The following PHF21A variants were observed in gnomAD, a reference collection of about 807,000 sequenced individuals.
PHF21A encodes the protein BHC80a.
In PHF21A, 11 loss-of-function variants were observed where a neutral mutation model predicts 82.5. That is an observed-to-expected ratio of 0.13 (90% CI 0.08 to 0.22). PHF21A has a LOEUF of 0.22. Ranked by LOEUF, PHF21A falls within the 10% of genes least tolerant of loss-of-function variation. The probability of loss-of-function intolerance (pLI) is 1.00; values close to 1 mark genes in which losing one functional copy is unlikely to be tolerated. For missense variants in PHF21A, 579 were observed against 837.8 expected, an observed-to-expected ratio of 0.69 and a Z score of 3.81; for synonymous variants, 297 against 302.8, an observed-to-expected ratio of 0.98 and a Z score of 0.20.
chr11:46,001,858 C>T (rs1488464375), intron 6 of PHF21A, among the ~76,000 whole-genome samples: 2 of 152,132 alleles, frequency 1.3e-5, no homozygotes, highest in Admixed American at 1.3e-4. Context: ...GTTTCTATGA[C>T]AACCCAGATG....
chr11:46,062,651 G>A (rs2096549361), intron 6 of PHF21A, among the ~76,000 whole-genome samples: 1 of 151,954 alleles, frequency 6.6e-6, no homozygotes, highest in Non-Finnish European at 1.5e-5. Flanking sequence ...AGTGATTCTT[G>A]GCTATGTTCA....
Position 46,087,693 on chromosome 11 carries a change from T to C in PHF21A, c.-84+2762A>G, listed in dbSNP as rs2096872746. Among the ~76,000 whole-genome samples the C allele has an allele frequency of 3.9e-5, 6 of 152,234 alleles. 1 individual carries two copies. The South Asian group carries it at 1.2e-3, about 31-fold the overall frequency. ...GAATCTTGTTTGTTTAATTTTATTT[T>C]TTCTTGTAGAGAAGGGGTCTCATAT... is the stretch of plus-strand genomic sequence containing the variant. On this transcript the variant is annotated intron_variant, in intron 3 of 18. Transcript: ENST00000676320.
Position 45,935,641 on chromosome 11 carries a change from T to A in PHF21A, c.1783A>T (p.Ile595Leu). 1 of 1,448,974 alleles carries A rather than the reference T, an allele frequency of 6.9e-7. No homozygotes were observed. The highest frequency in any genetic ancestry group is 9.7e-7 in the Non-Finnish European group (1 of 1,029,750). 89.8% of individuals were successfully genotyped at this position (1,448,974 alleles called of 1,614,324 possible). ...EQKVKQLSNS[I>L]SKCMEMKNTI... The stretch of plus-strand genomic sequence containing the variant: ...AAGGCATGAGGTTTACTTACACTTA[T>A]GGAATTGCTGAGCTGTTTCACCTTT... Residue 595 changes from isoleucine (I) to leucine (L), a missense_variant, in exon 18 of 19, where the codon ATA becomes TTA. Physicochemically the swap from Ile to Leu is conservative, Grantham distance 5. Around this residue, in one of 3 missense-constraint regions of PHF21A, gnomAD observed 157 missense variants for 149.4 expected, o/e 1.05. Transcript: ENST00000676320.
chr11:46,061,814 T>C (rs1178449282), intron 6 of PHF21A, among the ~76,000 whole-genome samples: 2 of 152,208 alleles, frequency 1.3e-5, no homozygotes, highest in South Asian at 2.1e-4. Context: ...TTCATCTTTA[T>C]TGGTTCACTT....
At chr11:45,976,097 C>A (rs7128184) in intron 7 of PHF21A, among the ~76,000 whole-genome samples, 1 of 151,896 alleles carries the variant, frequency 6.6e-6, no homozygotes, top group Admixed American at 6.6e-5. Flanking sequence ...TCCTCTCCAT[C>A]GTTTCGTGGA....
intron 6 of PHF21A, among the ~76,000 whole-genome samples, chr11:46,028,668 A>G (rs934938942): frequency 1.3e-5 from 2 of 150,262 alleles, no homozygotes; most frequent in Admixed American, 1.3e-4. Context: ...CCGCCTCCCA[A>G]GTTGAAGTGA....
chr11:45,971,890 C>CTTTCTTTTTTTTTGTTTTTTTTTTT lies in PHF21A; in HGVS notation c.361-524_361-523insAAAAAAAAAAACAAAAAAAAAGAAA, dbSNP rs57081937. 4.0e-5 allele frequency among the ~76,000 whole-genome samples: 2 copies of CTTTCTTTTTTTTTGTTTTTTTTTTT among 50,294 alleles called. 1 individual carries two copies. 33.0% of individuals were successfully genotyped at this position (50,294 alleles called of 152,430 possible). A position where few individuals can be genotyped will look rare whatever the true frequency, so the allele number is the denominator to read the frequency against. On this transcript the variant is annotated intron_variant, in intron 7 of 18. Coordinates refer to ENST00000676320, the MANE Select transcript of PHF21A (RefSeq NM_001352027.3). ...GTAAAAGGACAGTGTCTTTTTCTTT[C>CTTTCTTTTTTTTTGTTTTTTTTTTT]TTTTTTTTTTTTTTTATGGTGTCAC...
At chr11:46,070,421 C>T (rs1326613872) in intron 6 of PHF21A, among the ~76,000 whole-genome samples, 4 of 151,946 alleles carry the variant, frequency 2.6e-5, no homozygotes, top group Non-Finnish European at 5.9e-5. Context: ...GCCTCTGCCT[C>T]CAGGGTTCAA....
At chr11:46,000,920 C>CA (rs905417751) in intron 6 of PHF21A, among the ~76,000 whole-genome samples, 19 of 150,752 alleles carry the variant, frequency 1.3e-4, no homozygotes, top group African/African-American at 4.6e-4. Flanking sequence ...ACCTCCGTCT[C>CA]AAAAAAATAA....
intron 6 of PHF21A, among the ~76,000 whole-genome samples, chr11:46,047,959 T>C (rs1189897130): frequency 6.6e-6 from 1 of 152,222 alleles, no homozygotes; most frequent in African/African-American, 2.4e-5. Context: ...CCAAATGAAA[T>C]ATGTAATACT....
intron 6 of PHF21A, among the ~76,000 whole-genome samples, chr11:46,027,781 A>G (rs931392269): frequency 1.3e-5 from 2 of 152,212 alleles, no homozygotes; most frequent in African/African-American, 2.4e-5. Context: ...ACAATGATTT[A>G]TATCTTCTTT....
chr11:45,999,161 G>A (rs2095028040), intron 6 of PHF21A, among the ~76,000 whole-genome samples: 1 of 152,076 alleles, frequency 6.6e-6, no homozygotes, highest in South Asian at 2.1e-4. Context: ...TATCAACAAA[G>A]AAAATTATTA....
chr11:46,012,044 C>T (rs2095424437), intron 6 of PHF21A, among the ~76,000 whole-genome samples: 1 of 152,190 alleles, frequency 6.6e-6, no homozygotes, highest in South Asian at 2.1e-4. Context: ...TGTTCTCCCT[C>T]ACACTAGACC....
At position 45,938,112 on chromosome 11, in the gene PHF21A, C is replaced by T. The variant is rs1565151816; in HGVS notation, c.1608+45G>A. On this transcript the variant is annotated intron_variant, in intron 16 of 18. Coordinates refer to ENST00000676320, the MANE Select transcript of PHF21A (RefSeq NM_001352027.3). ...AAGGAATTCCTCCTGATGGCCGTGT[C>T]TTTGTCCTCCTCGGCCCCTCCCCTG... The T allele has an allele frequency of 2.0e-6, 3 of 1,480,496 alleles. No individual in the cohort carries two copies. The South Asian group carries it at 4.1e-5, about 20-fold the overall frequency. 91.7% of individuals were successfully genotyped at this position (1,480,496 alleles called of 1,614,324 possible). A position where few individuals can be genotyped will look rare whatever the true frequency, so the allele number is the denominator to read the frequency against.
intron 6 of PHF21A, among the ~76,000 whole-genome samples, chr11:45,989,509 A>AAAAT (rs386373757): frequency 6.7e-6 from 1 of 148,978 alleles, no homozygotes. Context: ...AAAAAAAAAA[A>AAAAT]ATACAAAAAA....
At chr11:45,977,662 G>A (rs1037041339) in intron 7 of PHF21A, among the ~76,000 whole-genome samples, 1 of 152,100 alleles carries the variant, frequency 6.6e-6, no homozygotes, top group African/African-American at 2.4e-5. Context: ...TACAAGTGCT[G>A]GTAAGGAGAT....
chr11:46,010,534 G>C (rs539670752), intron 6 of PHF21A, among the ~76,000 whole-genome samples: 58 of 152,312 alleles, frequency 3.8e-4, no homozygotes, highest in African/African-American at 1.3e-3. Flanking sequence ...TTTGGGAATA[G>C]TGGTATGAAT....
intron 6 of PHF21A, among the ~76,000 whole-genome samples, chr11:46,012,436 G>T (rs2095431119): frequency 6.6e-6 from 1 of 152,100 alleles, no homozygotes; most frequent in Non-Finnish European, 1.5e-5. Flanking sequence ...ACAACATTCA[G>T]TCTCAATGAA....
intron 6 of PHF21A, among the ~76,000 whole-genome samples, chr11:46,068,354 G>C (rs181798557): frequency 8.5e-5 from 13 of 152,086 alleles, no homozygotes; most frequent in Admixed American, 5.9e-4. Flanking sequence ...GGAATAAATG[G>C]GAATGGATTT....
Sources: allele counts gnomAD v4.1 joint callset (sites outside exome capture counted in the v4.1 genomes callset), GRCh38; gene constraint gnomAD v4.1.1; regional missense constraint gnomAD v4.1.1; transcripts MANE v1.5; gene names NCBI Gene and HGNC (gene_info 2026-07-23, HGNC 2026-07-21).